The following PALLD variants were observed in gnomAD, a reference collection of about 807,000 sequenced individuals.
The protein encoded by PALLD is palladin, cytoskeletal associated protein, also known as palladin.
PALLD carries 61 observed loss-of-function variants against 123.5 expected under a neutral mutation model. That is an observed-to-expected ratio of 0.49 (90% CI 0.40 to 0.61). PALLD has a LOEUF of 0.61. Ranked by LOEUF, PALLD falls within the 20% of genes least tolerant of loss-of-function variation. PALLD has a pLI of 0.00. For synonymous variants in PALLD, 465 were observed against 496.4 expected (o/e 0.94, Z 0.84); for missense variants, 1,273 against 1,377.0 (o/e 0.92, Z 1.20).
In PALLD at chr4:168,538,805, G is replaced by A. The variant is rs374877597; in HGVS notation, c.908+26393G>A. On this transcript the variant is annotated intron_variant, in intron 2 of 21. Transcript: ENST00000505667. ...CAGGCAAGCTTAAAAGATCAGAAAG[G>A]CTTTCCCATTGTGCAAGTGGGTGAT... Among the ~76,000 whole-genome samples, 278 of 152,292 alleles carry A rather than the reference G, an allele frequency of 1.8e-3. 1 individual carries two copies. Among genetic ancestry groups the A allele is most frequent in the African/African-American group, 6.3e-3 (263 of 41,554 alleles).
intron 17 of PALLD, among the ~76,000 whole-genome samples, chr4:168,916,754 C>T (rs559362605): frequency 1.1e-4 from 16 of 148,860 alleles, no homozygotes; most frequent in South Asian, 1.1e-3. Context: ...AATCTCGGCT[C>T]GCTGCAACCT....
chr4:168,835,640 G>A (rs1554092163), intron 10 of PALLD, among the ~76,000 whole-genome samples: 2 of 132,484 alleles, frequency 1.5e-5, no homozygotes, highest in Non-Finnish European at 3.5e-5. Context: ...CAAATTTTAA[G>A]AGAGGATAAA....
At chr4:168,750,984 A>ATGTGTG (rs56827421) in intron 10 of PALLD, among the ~76,000 whole-genome samples, 21 of 148,446 alleles carry the variant, frequency 1.4e-4, no homozygotes, top group East Asian at 2.0e-4. Context: ...TATTTTATAT[A>ATGTGTG]TGTGTGTGTG....
At chr4:168,672,520 G>A (rs1348929093) in intron 3 of PALLD, among the ~76,000 whole-genome samples, 4 of 151,384 alleles carry the variant, frequency 2.6e-5, no homozygotes, top group East Asian at 1.9e-4. Flanking sequence ...GTGCAGTGGC[G>A]CGATCTTGGC....
rs193229859 is a variant in PALLD, at chr4:168,711,444, A to C, written c.1622-137A>C. ...CTCCAGCTGGCAGTGCTTCTGCGTC[A>C]GATGAGAGCAGCACAATCACCTCTT... On this transcript the variant is annotated intron_variant, in intron 9 of 21. Transcript: ENST00000505667. 4.4e-3 allele frequency: 3,084 copies of C among 704,760 alleles called. 15 individuals carry two copies. The highest frequency in any genetic ancestry group is 6.1e-3 in the Non-Finnish European group (2,404 of 396,424). The allele number at this position is 704,760 out of a possible 1,614,324, so 43.7% of individuals were successfully genotyped here.
intron 8 of PALLD, among the ~76,000 whole-genome samples, chr4:168,697,795 T>C (rs1783279398): frequency 6.6e-6 from 1 of 152,206 alleles, no homozygotes; most frequent in African/African-American, 2.4e-5. Context: ...TCCCAAATGC[T>C]TAGCATTCCA....
chr4:168,699,425 TTCA>T (rs1305186052), intron 8 of PALLD, among the ~76,000 whole-genome samples: 3 of 152,096 alleles, frequency 2.0e-5, no homozygotes, highest in Admixed American at 6.5e-5. Flanking sequence ...CACACTGGAT[TTCA>T]TCTTGTTGAT....
At chr4:168,879,643 G>T (rs1752344540) in intron 10 of PALLD, among the ~76,000 whole-genome samples, 1 of 152,214 alleles carries the variant, frequency 6.6e-6, no homozygotes, top group South Asian at 2.1e-4. Context: ...GGCAGCTTCA[G>T]TTAGCAATGC....
intron 2 of PALLD, among the ~76,000 whole-genome samples, chr4:168,531,910 A>G (rs1764643022): frequency 6.6e-6 from 1 of 151,878 alleles, no homozygotes; most frequent in Non-Finnish European, 1.5e-5. Context: ...TTCTTTTTTT[A>G]AAGATTTTTA....
intron 10 of PALLD, among the ~76,000 whole-genome samples, chr4:168,861,793 C>G (rs1051318554): frequency 4.0e-5 from 6 of 151,888 alleles, no homozygotes; most frequent in Non-Finnish European, 8.8e-5. Context: ...GTAGCTGGGA[C>G]TACAGGCATG....
chr4:168,924,374 T>C lies in PALLD; in HGVS notation c.3178T>C (p.Trp1060Arg). The C allele has an allele frequency of 6.2e-7, 1 of 1,613,990 alleles. No individual in the cohort carries two copies. The highest frequency in any genetic ancestry group is 8.5e-7 in the Non-Finnish European group (1 of 1,179,928). Reference protein sequence around the residue: ...VLGVPPPQIFWKKENESLTHS... With the variant: ...VLGVPPPQIFRKKENESLTHS... ...GGGAGTGCCACCACCTCAGATATTT[T>C]GGAAGAAAGAAAATGAATCACTCAC... is the stretch of plus-strand genomic sequence containing the variant. The change falls in exon 19 of 22, where the codon TGG becomes CGG. Residue 1060 changes from tryptophan (W) to arginine (R), a missense_variant. By Grantham distance (101) the Trp-to-Arg change is moderately radical. Transcript: ENST00000505667.
chr4:168,699,787 C>G (rs757054249), intron 8 of PALLD, among the ~76,000 whole-genome samples: 4 of 152,138 alleles, frequency 2.6e-5, no homozygotes, highest in Admixed American at 6.5e-5. Flanking sequence ...CCAGTAAAAA[C>G]AGTTTCTGAT....
chr4:168,730,977 A>G (rs1787114716), intron 10 of PALLD, among the ~76,000 whole-genome samples: 1 of 152,124 alleles, frequency 6.6e-6, no homozygotes. Flanking sequence ...GGAATGGTTG[A>G]CTACCTACAA....
chr4:168,552,196 A>G (rs776404115), intron 2 of PALLD, among the ~76,000 whole-genome samples: 1 of 152,122 alleles, frequency 6.6e-6, no homozygotes, highest in Admixed American at 6.5e-5. Context: ...CATCAATCTA[A>G]ATAAGAGCCT....
chr4:168,533,816 C>T (rs1260180793), intron 2 of PALLD, among the ~76,000 whole-genome samples: 5 of 151,936 alleles, frequency 3.3e-5, no homozygotes, highest in South Asian at 2.1e-4. Flanking sequence ...AGTGTTCATA[C>T]GGAAAGGAGG....
At chr4:168,748,285 A>T (rs1037167367) in intron 10 of PALLD, among the ~76,000 whole-genome samples, 2 of 152,166 alleles carry the variant, frequency 1.3e-5, no homozygotes, top group African/African-American at 4.8e-5. Flanking sequence ...TCTCACCCCA[A>T]ATCAGTTGAA....
At chr4:168,906,197 A>G (rs967204213) in intron 15 of PALLD, among the ~76,000 whole-genome samples, 1 of 152,124 alleles carries the variant, frequency 6.6e-6, no homozygotes, top group Non-Finnish European at 1.5e-5. Flanking sequence ...GTCCTTACGT[A>G]TTTGCCAACA....
chr4:168,562,939 A>G (rs912993639), intron 2 of PALLD, among the ~76,000 whole-genome samples: 2 of 152,220 alleles, frequency 1.3e-5, no homozygotes, highest in Non-Finnish European at 1.5e-5. Context: ...TGTGAAAGGC[A>G]AGAGATGAGT....
chr4:168,506,968 CCTT>C lies in PALLD; in HGVS notation c.-82-4451_-82-4449del, dbSNP rs201288867. 9.4e-3 allele frequency among the ~76,000 whole-genome samples: 1,431 copies of C among 152,226 alleles called. 9 individuals are homozygous for C. Among genetic ancestry groups the C allele is most frequent in the Middle Eastern group, 0.02 (6 of 294 alleles). On this transcript the variant is annotated intron_variant, in intron 1 of 21. Transcript: ENST00000505667. ...GATTATTCGAAGGATTCTATCTTCT[CCTT>C]CTTTTTTCCTCGATGACCTTATGCA...
Sources: gnomAD v4.1 joint callset for allele counts (sites outside exome capture counted in the v4.1 genomes callset) on GRCh38, gnomAD v4.1.1 for gene constraint, MANE v1.5 for transcripts, NCBI Gene and HGNC (gene_info 2026-07-23, HGNC 2026-07-21) for gene names.